PITPNC1: variants seen among roughly 807,000 people sequenced by gnomAD.
The protein encoded by PITPNC1 is phosphatidylinositol transfer protein cytoplasmic 1.
A neutral mutation model predicts 44.7 loss-of-function variants in PITPNC1; 18 were observed. The ratio of observed to expected loss-of-function variants is 0.40; its 90% CI spans 0.28 to 0.60. The LOEUF (loss-of-function observed/expected upper bound fraction) is 0.60. Among genes scored for constraint, PITPNC1 ranks in the 20% least tolerant of loss-of-function variants. The pLI is 0.39. For synonymous variants in PITPNC1, 141 were observed against 149.6 expected, an observed-to-expected ratio of 0.94 and a Z score of 0.42; for missense variants, 290 against 418.4, an observed-to-expected ratio of 0.69 and a Z score of 2.68.
At chr17:67,535,935 C>T (rs1335722414) in intron 2 of PITPNC1, among the ~76,000 whole-genome samples, 1 of 152,158 alleles carries the variant, frequency 6.6e-6, no homozygotes, top group Non-Finnish European at 1.5e-5. Context: ...AAAGTTGGAA[C>T]TGAGAATAGG....
intron 1 of PITPNC1, among the ~76,000 whole-genome samples, chr17:67,425,203 G>GCACACA (rs60705271): frequency 0.018 from 1,749 of 98,678 alleles, 75 homozygotes; most frequent in East Asian, 0.058. Context: ...GCACGCACAC[G>GCACACA]CACACACACA....
intron 5 of PITPNC1, among the ~76,000 whole-genome samples, chr17:67,587,019 G>C (rs909261226): frequency 2.6e-5 from 4 of 152,154 alleles, no homozygotes; most frequent in Admixed American, 6.5e-5. Context: ...AACAAAATAG[G>C]GATGATCTCA....
At chr17:67,586,438 A>AAAT (rs1266346449) in intron 5 of PITPNC1, among the ~76,000 whole-genome samples, 1 of 151,322 alleles carries the variant, frequency 6.6e-6, no homozygotes, top group African/African-American at 2.4e-5. Flanking sequence ...AAAAAAAAAA[A>AAAT]AAAAAAATTA....
At chr17:67,636,446 C>T (rs1598915849) in intron 6 of PITPNC1, among the ~76,000 whole-genome samples, 1 of 152,296 alleles carries the variant, frequency 6.6e-6, no homozygotes, top group East Asian at 1.9e-4. Flanking sequence ...CTTACGGTTA[C>T]TAAATGGATG....
At position 67,578,177 on chromosome 17, in the gene PITPNC1, C is replaced by T. The variant is rs1319876022; in HGVS notation, c.295-9C>T. The T allele has an allele frequency of 6.3e-7, 1 of 1,596,488 alleles. No homozygotes were observed. Among genetic ancestry groups the T allele is most frequent in the Admixed American group, 1.7e-5 (1 of 59,988 alleles). On this transcript the variant is annotated splice_polypyrimidine_tract_variant and intron_variant, in intron 4 of 8. Transcript: ENST00000581322. ...GTTATGCTAATGAAAATTTGCTTTT[C>T]TCCCACAGTGTTCCTTTCTGCCGAA...
chr17:67,452,119 C>T (rs960981414), intron 1 of PITPNC1, among the ~76,000 whole-genome samples: 6 of 151,946 alleles, frequency 3.9e-5, no homozygotes, highest in Admixed American at 6.6e-5. Flanking sequence ...ATCCTCCCAA[C>T]GTCATCCTCC....
chr17:67,492,706 T>C (rs1312160380), intron 1 of PITPNC1, among the ~76,000 whole-genome samples: 1 of 152,160 alleles, frequency 6.6e-6, no homozygotes, highest in Non-Finnish European at 1.5e-5. Flanking sequence ...CTGTCCTGAT[T>C]TCTAACGCCG....
At chr17:67,652,384 G>A (rs1211170007) in intron 6 of PITPNC1, among the ~76,000 whole-genome samples, 3 of 152,156 alleles carry the variant, frequency 2.0e-5, no homozygotes. Flanking sequence ...GTCCCAGTGC[G>A]AGATGGATGA....
In PITPNC1 at chr17:67,460,565, C is replaced by T. The variant is rs372485666; in HGVS notation, c.49-72237C>T. ...CAGCCTCCCGAGTAGCTGGGATGTG[C>T]CACCACGCCTGGCTAATTTTTGTAT... On this transcript the variant is annotated intron_variant, in intron 1 of 8. Coordinates refer to ENST00000581322, the MANE Select transcript of PITPNC1 (RefSeq NM_012417.4). Among the ~76,000 whole-genome samples, 82 of 151,746 alleles carry T rather than the reference C, an allele frequency of 5.4e-4. 2 individuals carry two copies. In the East Asian group the frequency reaches 8.9e-3, roughly 17 times the overall value.
chr17:67,602,782 G>A (rs1183667308), intron 5 of PITPNC1, among the ~76,000 whole-genome samples: 5 of 152,204 alleles, frequency 3.3e-5, no homozygotes, highest in African/African-American at 1.2e-4. Flanking sequence ...TGTCGCCCAG[G>A]TTAGAGTGCA....
In PITPNC1 at chr17:67,464,670, C is replaced by T. The variant is rs894271786; in HGVS notation, c.49-68132C>T. On this transcript the variant is annotated intron_variant, in intron 1 of 8. Coordinates refer to ENST00000581322, the MANE Select transcript of PITPNC1 (RefSeq NM_012417.4). ...TTTAAAAAGCTAATTTAAAATTGCACCAAAAAAAGCACAGCGTTATGAATT... is the reference window on the plus strand; with the variant it reads ...TTTAAAAAGCTAATTTAAAATTGCATCAAAAAAAGCACAGCGTTATGAATT... Among the ~76,000 whole-genome samples, 11 of 151,508 alleles carry T rather than the reference C, an allele frequency of 7.3e-5. No homozygotes were observed. In the South Asian group the frequency reaches 2.3e-3, roughly 31 times the overall value.
chr17:67,543,756 A>G (rs2009679), intron 2 of PITPNC1, among the ~76,000 whole-genome samples: 49,200 of 152,028 alleles, frequency 0.32, 9,691 homozygotes, highest in Non-Finnish European at 0.43. Flanking sequence ...ACAGCATCTG[A>G]CATACTGTTG....
At chr17:67,401,894 C>G (rs1448744567) in intron 1 of PITPNC1, among the ~76,000 whole-genome samples, 1 of 152,044 alleles carries the variant, frequency 6.6e-6, no homozygotes, top group East Asian at 1.9e-4. Flanking sequence ...CTCCTTTGAT[C>G]TTCTCTTCCA....
chr17:67,613,225 T>A (rs1356693952), intron 5 of PITPNC1: 1 of 152,032 alleles, frequency 6.6e-6, no homozygotes, highest in African/African-American at 2.4e-5. Flanking sequence ...ACACCCAAGT[T>A]TTGACCTTGG....
At chr17:67,620,041 CTTTA>C (rs1457842197) in intron 5 of PITPNC1, among the ~76,000 whole-genome samples, 1 of 151,948 alleles carries the variant, frequency 6.6e-6, no homozygotes, top group Non-Finnish European at 1.5e-5. Context: ...GCTTCAAGCC[CTTTA>C]TTTATTTGTT....
chr17:67,384,882 G>A (rs1474020014), intron 1 of PITPNC1, among the ~76,000 whole-genome samples: 1 of 152,164 alleles, frequency 6.6e-6, no homozygotes, highest in Non-Finnish European at 1.5e-5. Flanking sequence ...CTTTCCCCAA[G>A]GTTTCTTGTA....
intron 5 of PITPNC1, among the ~76,000 whole-genome samples, chr17:67,600,626 T>C (rs532584961): frequency 2.2e-4 from 33 of 152,048 alleles, no homozygotes; most frequent in African/African-American, 7.9e-4. Context: ...ATTAATAGTA[T>C]TGAGAAATAC....
chr17:67,596,001 CA>C (rs2041455316), intron 5 of PITPNC1, among the ~76,000 whole-genome samples: 2 of 152,128 alleles, frequency 1.3e-5, no homozygotes. Flanking sequence ...AAGAGATACT[CA>C]GGGGTAAAAC....
chr17:67,378,126 C>A lies in PITPNC1; in HGVS notation c.-29C>A, dbSNP rs960032575. On this transcript the variant is annotated 5_prime_UTR_variant, in exon 1 of 9. Coordinates refer to ENST00000581322, the MANE Select transcript of PITPNC1 (RefSeq NM_012417.4). ...GGTCTTGGGGGCGCCCCCCGCTTCC[C>A]GCCCCGGGGGTCCGCGGCCGGCAGG... 2 of 1,514,026 alleles carry A rather than the reference C, an allele frequency of 1.3e-6. No homozygotes were observed. Among genetic ancestry groups the A allele is most frequent in the Non-Finnish European group, 1.8e-6 (2 of 1,128,908 alleles). The allele number at this position is 1,514,026 out of a possible 1,614,324, so 93.8% of individuals were successfully genotyped here.
Sources: allele counts gnomAD v4.1 joint callset (sites outside exome capture counted in the v4.1 genomes callset), GRCh38; gene constraint gnomAD v4.1.1; transcripts MANE v1.5; gene names NCBI Gene and HGNC (gene_info 2026-07-23, HGNC 2026-07-21).